The following CFAP96 variants were observed in gnomAD, a reference collection of about 807,000 sequenced individuals.
The protein encoded by CFAP96 is cilia and flagella associated protein 96.
the CFAP96 span, chr4:185,432,224 C>T: frequency 2.0e-6 from 3 of 1,493,470 alleles, no homozygotes; most frequent in Non-Finnish European, 2.7e-6. Flanking sequence ...TGGGAAAAGT[C>T]TTAAATATAC....
the CFAP96 span, chr4:185,426,509 C>G: frequency 1.3e-5 from 2 of 152,814 alleles, no homozygotes; most frequent in South Asian, 2.0e-4. Context: ...GTTTTCTGCC[C>G]CTTCTTCACC....
At chr4:185,442,089 G>A in the CFAP96 span, among the ~76,000 whole-genome samples, 1 of 151,684 alleles carries the variant, frequency 6.6e-6, no homozygotes, top group Non-Finnish European at 1.5e-5. Context: ...TCATCTATTT[G>A]TTTATTTCTG....
At chr4:185,426,146 G>C in the CFAP96 span, 1 of 522,416 alleles carries the variant, frequency 1.9e-6, no homozygotes, top group Non-Finnish European at 3.5e-6. Context: ...TGTGTTCTTC[G>C]ATGCGGATTC....
the CFAP96 span, among the ~76,000 whole-genome samples, chr4:185,422,885 G>A: frequency 1.3e-5 from 1 of 78,360 alleles, no homozygotes; most frequent in African/African-American, 5.0e-5. Flanking sequence ...TTGGAGACAG[G>A]GTCTCACTCT....
At chr4:185,408,505 G>A in the CFAP96 span, 34 of 1,449,386 alleles carry the variant, frequency 2.3e-5, no homozygotes, top group African/African-American at 8.5e-5. Flanking sequence ...ATATGCTCCC[G>A]AATTATGTTT....
At chr4:185,438,105 G>T in the CFAP96 span, among the ~76,000 whole-genome samples, 1 of 151,186 alleles carries the variant, frequency 6.6e-6, no homozygotes, top group African/African-American at 2.4e-5. Context: ...TGAGCTTCTT[G>T]GATCTATGGG....
the CFAP96 span, chr4:185,436,190 T>C: frequency 1.9e-6 from 3 of 1,547,490 alleles, no homozygotes; most frequent in South Asian, 1.2e-5. Context: ...ATGGGTAAGA[T>C]ATTTTTAATA....
At chr4:185,417,679 T>G in the CFAP96 span, among the ~76,000 whole-genome samples, 1 of 152,160 alleles carries the variant, frequency 6.6e-6, no homozygotes, top group African/African-American at 2.4e-5. Context: ...AAGACGCATC[T>G]CCATTTTCTA....
At chr4:185,424,998 C>G in the CFAP96 span, among the ~76,000 whole-genome samples, 137,200 of 152,292 alleles carry the variant, frequency 0.9, 61,920 homozygotes, top group East Asian at 0.99. Flanking sequence ...CCAGGCAGGG[C>G]CATCGATGAG....
At chr4:185,431,568 G>C in the CFAP96 span, among the ~76,000 whole-genome samples, 43 of 152,206 alleles carry the variant, frequency 2.8e-4, no homozygotes, top group Non-Finnish European at 6.0e-4. Context: ...ATGCCCCAGA[G>C]AGGAATTGCT....
chr4:185,417,510 T>C, the CFAP96 span, among the ~76,000 whole-genome samples: 1 of 152,204 alleles, frequency 6.6e-6, no homozygotes, highest in Admixed American at 6.5e-5. Context: ...AAATATCTCT[T>C]GTATGCAATC....
chr4:185,444,842 C>T, the CFAP96 span: 4 of 818,282 alleles, frequency 4.9e-6, no homozygotes, highest in African/African-American at 5.2e-5. Context: ...TTGAATTAAA[C>T]AGTATCATTT....
chr4:185,443,921 C>CTTTTTTTTTTTT, the CFAP96 span, among the ~76,000 whole-genome samples: 8 of 82,856 alleles, frequency 9.7e-5, no homozygotes, highest in African/African-American at 2.8e-4. Context: ...CTATATCTTT[C>CTTTTTTTTTTTT]TTTTTTTTTT....
At chr4:185,422,433 G>T in the CFAP96 span, 1 of 1,301,534 alleles carries the variant, frequency 7.7e-7, no homozygotes, top group Admixed American at 2.0e-5. Context: ...AATAATCTCA[G>T]TATATTTCAC....
chr4:185,435,880 ATATCT>A, the CFAP96 span, among the ~76,000 whole-genome samples: 128,193 of 151,614 alleles, frequency 0.85, 55,170 homozygotes, highest in East Asian at 0.99. Context: ...TATTAAAAAC[ATATCT>A]TATGTCAAAA....
At chr4:185,446,068 C>T in the CFAP96 span, among the ~76,000 whole-genome samples, 1 of 151,944 alleles carries the variant, frequency 6.6e-6, no homozygotes, top group East Asian at 1.9e-4. Flanking sequence ...CTCGAACTCC[C>T]GACCTCAGGT....
the CFAP96 span, among the ~76,000 whole-genome samples, chr4:185,431,505 A>T: frequency 6.6e-6 from 1 of 152,236 alleles, no homozygotes; most frequent in African/African-American, 2.4e-5. Flanking sequence ...ACTGCTATGA[A>T]CATTCTTGTT....
chr4:185,422,526 C>G, the CFAP96 span: 28 of 1,611,716 alleles, frequency 1.7e-5, no homozygotes, highest in Middle Eastern at 1.6e-4. Context: ...AAGGCCTCCT[C>G]TTATTCTGAA....
At chr4:185,428,430 G>A in the CFAP96 span, among the ~76,000 whole-genome samples, 2 of 151,674 alleles carry the variant, frequency 1.3e-5, no homozygotes, top group African/African-American at 4.8e-5. Flanking sequence ...AAAAACAGCT[G>A]GGCATGGTGG....
Sources: allele counts gnomAD v4.1 joint callset (sites outside exome capture counted in the v4.1 genomes callset), GRCh38; gene constraint gnomAD v4.1.1; transcripts MANE v1.5; gene names NCBI Gene and HGNC (gene_info 2026-07-23, HGNC 2026-07-21).